TMTC2: variants seen among roughly 807,000 people sequenced by gnomAD.
The protein encoded by TMTC2 is transmembrane O-mannosyltransferase targeting cadherins 2.
In TMTC2, 43 loss-of-function variants were observed where a neutral mutation model predicts 82.4. The ratio of observed to expected loss-of-function variants is 0.52; its 90% confidence interval spans 0.41 to 0.67. The LOEUF (loss-of-function observed/expected upper bound fraction) is 0.67, where lower values mean the gene tolerates loss of function less well. Ranked by LOEUF, TMTC2 falls within the 30% of genes least tolerant of loss-of-function variation. TMTC2 has a pLI of 0.00. For missense variants in TMTC2, 919 were observed against 1,012.4 expected, an observed-to-expected ratio of 0.91 and a Z score of 1.25; for synonymous variants, 408 against 381.9, an observed-to-expected ratio of 1.07 and a Z score of -0.80.
At chr12:83,093,949 A>G (rs1258165388) in intron 11 of TMTC2, among the ~76,000 whole-genome samples, 1 of 152,222 alleles carries the variant, frequency 6.6e-6, no homozygotes, top group Non-Finnish European at 1.5e-5. Context: ...ACTGAGGGCT[A>G]AAAACATATA....
At chr12:83,100,571 G>A (rs1293597535) in intron 11 of TMTC2, among the ~76,000 whole-genome samples, 1 of 151,954 alleles carries the variant, frequency 6.6e-6, no homozygotes, top group Non-Finnish European at 1.5e-5. Flanking sequence ...TTTGAAATAT[G>A]TCTTTGAAAC....
At chr12:83,096,661 A>G (rs1359030710) in intron 11 of TMTC2, among the ~76,000 whole-genome samples, 1 of 152,170 alleles carries the variant, frequency 6.6e-6, no homozygotes, top group Admixed American at 6.5e-5. Context: ...TATCACTAGA[A>G]CAGCAGGAGA....
intron 11 of TMTC2, among the ~76,000 whole-genome samples, chr12:83,084,481 A>G (rs1231059248): frequency 2.0e-5 from 3 of 152,180 alleles, no homozygotes; most frequent in Non-Finnish European, 4.4e-5. Context: ...CTCACTCAAC[A>G]GGTGATTTGC....
intron 9 of TMTC2, among the ~76,000 whole-genome samples, chr12:83,033,805 C>CGTGTGT (rs1555207118): frequency 2.2e-5 from 3 of 137,324 alleles, no homozygotes; most frequent in Middle Eastern, 3.4e-3. Context: ...TATATATACA[C>CGTGTGT]ATATATGTGT....
intron 4 of TMTC2, among the ~76,000 whole-genome samples, chr12:82,952,828 C>A (rs1264211013): frequency 6.6e-6 from 1 of 152,178 alleles, no homozygotes; most frequent in African/African-American, 2.4e-5. Context: ...CCACCTCGGC[C>A]TCCCAAAGTG....
chr12:82,799,851 C>T (rs1592531336), intron 1 of TMTC2, among the ~76,000 whole-genome samples: 1 of 152,056 alleles, frequency 6.6e-6, no homozygotes, highest in Non-Finnish European at 1.5e-5. Flanking sequence ...GTGTTCTTAC[C>T]GGCAAGGAAC....
chr12:82,998,939 G>T (rs1879792491), intron 8 of TMTC2, among the ~76,000 whole-genome samples: 1 of 152,082 alleles, frequency 6.6e-6, no homozygotes, highest in Non-Finnish European at 1.5e-5. Context: ...CAGAATTGAA[G>T]TTAGTACAGA....
At chr12:83,010,737 C>T (rs1006809715) in intron 8 of TMTC2, among the ~76,000 whole-genome samples, 9 of 152,104 alleles carry the variant, frequency 5.9e-5, no homozygotes, top group African/African-American at 1.7e-4. Flanking sequence ...CAGGAACCAC[C>T]GATATTCGTG....
At chr12:83,075,030 G>A (rs771838870) in intron 11 of TMTC2, among the ~76,000 whole-genome samples, 7 of 152,156 alleles carry the variant, frequency 4.6e-5, no homozygotes, top group African/African-American at 1.2e-4. Flanking sequence ...CTTGGGGACC[G>A]AGCGAGCTCC....
chr12:82,689,949 G>A (rs1872509175), intron 1 of TMTC2, among the ~76,000 whole-genome samples: 1 of 152,144 alleles, frequency 6.6e-6, no homozygotes, highest in Non-Finnish European at 1.5e-5. Flanking sequence ...TGATTTCTTA[G>A]CAGAACTACA....
At position 82,857,122 on chromosome 12, in the gene TMTC2, C is replaced by T. The variant is rs780917956; in HGVS notation, c.196C>T (p.Arg66Trp). 16 of 1,613,914 alleles carry T rather than the reference C, an allele frequency of 9.9e-6. No individual in the cohort carries two copies. The highest frequency in any genetic ancestry group is 4.0e-5 in the African/African-American group (3 of 74,892). Reference sequence around the variant, plus strand: ...CCACAGTGGCAGCCACAAGTCCTACCGGCCACTCTGCACTCTTTCTTTTCG... The same window carrying T: ...CCACAGTGGCAGCCACAAGTCCTACTGGCCACTCTGCACTCTTTCTTTTCG... ...LTHSGSHKSY[R>W]PLCTLSFRLN... The change falls in exon 2 of 12, where the codon CGG becomes TGG. Residue 66 changes from arginine (R) to tryptophan (W), a missense_variant. By Grantham distance (101) the Arg-to-Trp change is moderately radical. Coordinates refer to ENST00000321196, the MANE Select transcript of TMTC2 (RefSeq NM_152588.3).
At chr12:82,818,250 A>G (rs1353156095) in intron 1 of TMTC2, among the ~76,000 whole-genome samples, 2 of 152,064 alleles carry the variant, frequency 1.3e-5, no homozygotes. Context: ...AATTCCAAAT[A>G]CTTCCAGATA....
Position 83,007,593 on chromosome 12 carries a change from T to G in TMTC2, c.2070+21547T>G, listed in dbSNP as rs140571846. Among the ~76,000 whole-genome samples the G allele has an allele frequency of 5.1e-3, 777 of 152,344 alleles. 5 individuals are homozygous for G. Among genetic ancestry groups the G allele is most frequent in the Non-Finnish European group, 6.7e-3 (454 of 68,034 alleles). ...CCTCCTGTCCTTTATGACATCTCTG[T>G]CACTCATTCTACTTACCTATATGCT... On this transcript the variant is annotated intron_variant, in intron 8 of 11. Transcript: ENST00000321196.
intron 1 of TMTC2, among the ~76,000 whole-genome samples, chr12:82,807,452 C>T (rs1879298305): frequency 6.6e-6 from 1 of 152,052 alleles, no homozygotes; most frequent in Non-Finnish European, 1.5e-5. Flanking sequence ...GTGAGTGCTA[C>T]CTCTAGGAGA....
chr12:82,832,416 A>G lies in TMTC2; in HGVS notation c.84-24594A>G, dbSNP rs77532024. ...ATTTCTTAAATAAAAGGAAACTTAT[A>G]GTATACATTTTCAGACTGAATAAAT... On this transcript the variant is annotated intron_variant, in intron 1 of 11. Transcript: ENST00000321196. 3.5e-3 allele frequency among the ~76,000 whole-genome samples: 534 copies of G among 151,850 alleles called. 31 individuals carry two copies. In the East Asian group the frequency reaches 0.094, roughly 27 times the overall value.
chr12:82,999,527 AATGGACTT>A (rs145015692), intron 8 of TMTC2, among the ~76,000 whole-genome samples: 2,719 of 152,314 alleles, frequency 0.018, 71 homozygotes, highest in African/African-American at 0.061. Flanking sequence ...AAAGAGGTTT[AATGGACTT>A]ATAGTTCCAC....
At chr12:82,946,056 C>A (rs563031767) in intron 4 of TMTC2, among the ~76,000 whole-genome samples, 1 of 152,210 alleles carries the variant, frequency 6.6e-6, no homozygotes, top group Admixed American at 6.5e-5. Context: ...CTGAATGAGG[C>A]CTCCTAGCCA....
intron 4 of TMTC2, among the ~76,000 whole-genome samples, chr12:82,950,374 G>A (rs1877283021): frequency 6.6e-6 from 1 of 152,074 alleles, no homozygotes; most frequent in Admixed American, 6.6e-5. Context: ...TTTGACATGT[G>A]GAAGAAAATG....
chr12:83,085,547 TC>T (rs149675676), intron 11 of TMTC2, among the ~76,000 whole-genome samples: 2,642 of 152,272 alleles, frequency 0.017, 78 homozygotes, highest in African/African-American at 0.06. Context: ...AACATTGCCC[TC>T]TGTGCTATCA....
Sources: gnomAD v4.1 joint callset for allele counts (sites outside exome capture counted in the v4.1 genomes callset) on GRCh38, gnomAD v4.1.1 for gene constraint, MANE v1.5 for transcripts, NCBI Gene and HGNC (gene_info 2026-07-23, HGNC 2026-07-21) for gene names.